The following PRKCB variants were observed in gnomAD, a reference collection of about 807,000 sequenced individuals.
PRKCB encodes protein kinase C beta.
Under a neutral mutation model 81.5 loss-of-function variants are expected in PRKCB, and 13 were observed. The ratio of observed to expected loss-of-function variants is 0.16; its 90% CI spans 0.10 to 0.25. The LOEUF is 0.25. Among genes scored for constraint, PRKCB ranks in the 10% least tolerant of loss-of-function variants. The pLI is 1.00. For synonymous variants in PRKCB, 335 were observed against 321.4 expected (o/e 1.04, Z -0.45); for missense variants, 509 against 875.7 (o/e 0.58, Z 5.29).
Position 23,851,353 on chromosome 16 carries a change from T to C in PRKCB, c.205+13947T>C, listed in dbSNP as rs186070343. 4.3e-4 allele frequency among the ~76,000 whole-genome samples: 65 copies of C among 152,314 alleles called. 1 individual carries two copies. Among genetic ancestry groups the C allele is most frequent in the African/African-American group, 1.5e-3 (64 of 41,572 alleles). ...CTGAAGAGACTGTCCTTTCCCTCAT[T>C]GTGTGTTTTTGGCACCTTTATCAAA... is the stretch of plus-strand genomic sequence containing the variant. On this transcript the variant is annotated intron_variant, in intron 2 of 16. Transcript: ENST00000643927.
chr16:24,110,114 AG>A lies in PRKCB; in HGVS notation c.822-2858del, dbSNP rs1966653876. Among the ~76,000 whole-genome samples, 86 of 78,158 alleles carry A rather than the reference AG, an allele frequency of 1.1e-3. 1 individual carries two copies. The highest frequency in any genetic ancestry group is 7.2e-3 in the African/African-American group (76 of 10,540). 51.3% of individuals were successfully genotyped at this position (78,158 alleles called of 152,430 possible). ...AGAGAGGGAGAGGGAGACCGTGGGG[AG>A]AGGGAGAGGGAGAGGGAGAGGGAGA... On this transcript the variant is annotated intron_variant, in intron 7 of 16. Coordinates refer to ENST00000643927, the MANE Select transcript of PRKCB (RefSeq NM_002738.7).
chr16:24,088,383 CATGCCTCAGTGAGTA>C (rs1239136309), intron 5 of PRKCB, among the ~76,000 whole-genome samples: 4 of 152,142 alleles, frequency 2.6e-5, no homozygotes, highest in Non-Finnish European at 5.9e-5. Flanking sequence ...AGGGAAGAGT[CATGCCTCAGTGAGTA>C]ATGTTTGGCT....
At position 24,172,234 on chromosome 16, in the gene PRKCB, G is replaced by A. The variant is rs761577207; in HGVS notation, c.1240-36G>A. Reference sequence around the variant, plus strand: ...GTCCATTTGGAGCCCCAGAAGCTACGGGATGCTAATGTTGCTGTTTGCTGT... The same window carrying A: ...GTCCATTTGGAGCCCCAGAAGCTACAGGATGCTAATGTTGCTGTTTGCTGT... On this transcript the variant is annotated intron_variant, in intron 10 of 16. Transcript: ENST00000643927. 14 of 1,517,908 alleles carry A rather than the reference G, an allele frequency of 9.2e-6. No homozygotes were observed. The East Asian group carries it at 1.1e-4, about 12-fold the overall frequency. 94.0% of individuals were successfully genotyped at this position (1,517,908 alleles called of 1,614,324 possible). A position where few individuals can be genotyped will look rare whatever the true frequency, so the allele number is the denominator to read the frequency against.
intron 9 of PRKCB, among the ~76,000 whole-genome samples, chr16:24,140,907 C>A (rs879574638): frequency 6.6e-6 from 1 of 152,158 alleles, no homozygotes; most frequent in Admixed American, 6.5e-5. Flanking sequence ...GTAAACTATA[C>A]ACTAAATGTT....
intron 9 of PRKCB, among the ~76,000 whole-genome samples, chr16:24,144,628 T>A (rs574874486): frequency 5.1e-4 from 78 of 152,324 alleles, no homozygotes; most frequent in Non-Finnish European, 1.0e-3. Flanking sequence ...CCACCTGTGT[T>A]GAGGTATAAT....
At chr16:23,847,448 C>CCATT (rs930582971) in intron 2 of PRKCB, among the ~76,000 whole-genome samples, 1 of 146,350 alleles carries the variant, frequency 6.8e-6, no homozygotes, top group African/African-American at 2.6e-5. Flanking sequence ...ATCCATCCAT[C>CCATT]CATCCATCCA....
At chr16:23,875,473 C>A (rs1962979389) in intron 2 of PRKCB, among the ~76,000 whole-genome samples, 1 of 46,246 alleles carries the variant, frequency 2.2e-5, no homozygotes, top group South Asian at 8.8e-4. Flanking sequence ...TTTGCTTCAA[C>A]TAAAAAGATA....
intron 2 of PRKCB, among the ~76,000 whole-genome samples, chr16:23,881,719 T>G (rs1374898290): frequency 6.6e-6 from 1 of 152,234 alleles, no homozygotes; most frequent in Non-Finnish European, 1.5e-5. Flanking sequence ...TTAACTATTT[T>G]TTTAAGTGTA....
intron 2 of PRKCB, among the ~76,000 whole-genome samples, chr16:23,877,130 ACT>A (rs1395470378): frequency 6.6e-6 from 1 of 151,966 alleles, no homozygotes; most frequent in South Asian, 2.1e-4. Context: ...GGGGTGAATA[ACT>A]CTGTAAAAGA....
At chr16:24,170,151 A>G (rs958457100) in intron 10 of PRKCB, among the ~76,000 whole-genome samples, 6 of 152,250 alleles carry the variant, frequency 3.9e-5, no homozygotes, top group African/African-American at 1.2e-4. Context: ...TCTACTTGCT[A>G]GAATGAAAGA....
At chr16:24,112,837 C>T (rs1567378983) in intron 7 of PRKCB, 136 bp from the exon 8 acceptor site, 2 of 207,928 alleles carry the variant, frequency 9.6e-6, no homozygotes, top group East Asian at 1.6e-4. Context: ...GAAAAACAAA[C>T]CAAAACAAAC....
intron 9 of PRKCB, among the ~76,000 whole-genome samples, chr16:24,135,310 C>CTTTTTTTTTT (rs33975464): frequency 8.9e-6 from 1 of 112,276 alleles, no homozygotes; most frequent in Non-Finnish European, 1.7e-5. Flanking sequence ...CTCAGTGTCC[C>CTTTTTTTTTT]TTTTTTTTTT....
chr16:24,015,383 A>G (rs911685526), intron 3 of PRKCB, among the ~76,000 whole-genome samples: 2 of 152,072 alleles, frequency 1.3e-5, no homozygotes, highest in African/African-American at 4.8e-5. Flanking sequence ...ATAGAATCTG[A>G]CCCCTGATCT....
In PRKCB at chr16:24,078,699, C is replaced by T. The variant is rs192095793; in HGVS notation, c.530-14092C>T. 2.8e-4 allele frequency among the ~76,000 whole-genome samples: 43 copies of T among 152,316 alleles called. 1 individual carries two copies. In the East Asian group the frequency reaches 8.3e-3, roughly 29 times the overall value. ...CTGGGGAATGCTAGTTATTAAGAGA[C>T]TGGGCTTGTGAGAGCTCAAAGGTGG... On this transcript the variant is annotated intron_variant, in intron 5 of 16. Transcript: ENST00000643927.
chr16:24,169,085 C>G (rs939279871), intron 10 of PRKCB, among the ~76,000 whole-genome samples: 3 of 151,898 alleles, frequency 2.0e-5, no homozygotes, highest in Admixed American at 6.6e-5. Flanking sequence ...ATATGTTATC[C>G]TCATTTTATA....
intron 5 of PRKCB, among the ~76,000 whole-genome samples, chr16:24,082,654 T>A (rs1253339164): frequency 6.6e-6 from 1 of 152,156 alleles, no homozygotes; most frequent in Non-Finnish European, 1.5e-5. Flanking sequence ...TAGACATTCA[T>A]ATGAAAACAA....
chr16:24,180,990 GTGTGAGAGC>G (rs1411005904), intron 13 of PRKCB, 62 bp downstream of exon 13: 6 of 1,586,336 alleles, frequency 3.8e-6, no homozygotes, highest in Non-Finnish European at 5.2e-6. Context: ...CCAGATGGCT[GTGTGAGAGC>G]TGGGAAGGGT....
rs186778699 is a variant in PRKCB, at chr16:23,913,903, C to A, written c.206-74605C>A. 2.2e-3 allele frequency among the ~76,000 whole-genome samples: 331 copies of A among 152,340 alleles called. 2 individuals are homozygous for A. The highest frequency in any genetic ancestry group is 7.4e-3 in the African/African-American group (308 of 41,582). ...AGTTTCCTTAGCTTAAGCTGTGCCC[C>A]CTGTGTGCCATTTGCCTTGGGACAG... On this transcript the variant is annotated intron_variant, in intron 2 of 16. Transcript: ENST00000643927.
At chr16:24,109,555 C>T (rs1966643453) in intron 7 of PRKCB, among the ~76,000 whole-genome samples, 1 of 124,018 alleles carries the variant, frequency 8.1e-6, no homozygotes, top group Non-Finnish European at 1.6e-5. Context: ...TGATGGCCGC[C>T]CGGCAGAGGT....
Sources: gnomAD v4.1 joint callset for allele counts (sites outside exome capture counted in the v4.1 genomes callset) on GRCh38, gnomAD v4.1.1 for gene constraint, MANE v1.5 for transcripts, NCBI Gene and HGNC (gene_info 2026-07-23, HGNC 2026-07-21) for gene names.